SPATA16: variants seen among roughly 807,000 people sequenced by gnomAD.
SPATA16 encodes the protein spermatogenesis-associated protein 16.
A neutral mutation model predicts 63.3 loss-of-function variants in SPATA16; 36 were observed. The ratio of observed to expected loss-of-function variants is 0.57; its 90% CI spans 0.44 to 0.75. The LOEUF (loss-of-function observed/expected upper bound fraction) is 0.75. SPATA16 is among the 30% of genes least tolerant of loss of function. The pLI is 0.00. For missense variants in SPATA16, 646 were observed against 679.3 expected (o/e 0.95, Z 0.54); for synonymous variants, 203 against 216.7 (o/e 0.94, Z 0.56).
intron 8 of SPATA16, among the ~76,000 whole-genome samples, chr3:172,923,391 A>T (rs901438002): frequency 6.6e-6 from 1 of 152,242 alleles, no homozygotes; most frequent in African/African-American, 2.4e-5. Context: ...TTGAGCAGAT[A>T]AACTGCTGAA....
At chr3:173,043,415 C>T (rs1448279771) in intron 3 of SPATA16, among the ~76,000 whole-genome samples, 1 of 151,800 alleles carries the variant, frequency 6.6e-6, no homozygotes, top group Non-Finnish European at 1.5e-5. Flanking sequence ...TAGTAAAATT[C>T]CATTTGTTCT....
intron 3 of SPATA16, among the ~76,000 whole-genome samples, chr3:173,027,210 T>C (rs1310638327): frequency 1.3e-5 from 2 of 151,990 alleles, no homozygotes; most frequent in African/African-American, 2.4e-5. Context: ...TCAATTCTTA[T>C]TGTTCATTGC....
At chr3:173,086,504 T>G (rs922917208) in intron 2 of SPATA16, among the ~76,000 whole-genome samples, 1 of 152,180 alleles carries the variant, frequency 6.6e-6, no homozygotes, top group African/African-American at 2.4e-5. Flanking sequence ...GATTCATAAA[T>G]TTCTTGAAGG....
intron 4 of SPATA16, among the ~76,000 whole-genome samples, chr3:172,978,456 A>G (rs182060966): frequency 6.6e-6 from 1 of 152,314 alleles, no homozygotes; most frequent in South Asian, 2.1e-4. Flanking sequence ...AAGAAAGTTT[A>G]CTCGACATGG....
chr3:173,106,602 C>T (rs1737627755), intron 2 of SPATA16, among the ~76,000 whole-genome samples: 1 of 152,132 alleles, frequency 6.6e-6, no homozygotes, highest in Non-Finnish European at 1.5e-5. Context: ...TCACCTATTG[C>T]CTTCAACACC....
chr3:172,931,318 G>A (rs1732867239), intron 6 of SPATA16, among the ~76,000 whole-genome samples: 1 of 152,158 alleles, frequency 6.6e-6, no homozygotes, highest in Non-Finnish European at 1.5e-5. Flanking sequence ...ATAGCTCACT[G>A]TAACCTTGAA....
At chr3:173,050,173 A>G (rs1182628685) in intron 2 of SPATA16, among the ~76,000 whole-genome samples, 1 of 152,120 alleles carries the variant, frequency 6.6e-6, no homozygotes. Context: ...TGCTATTGTC[A>G]TTTTTTAAAT....
chr3:173,133,813 T>C (rs1738451500), intron 1 of SPATA16, among the ~76,000 whole-genome samples: 1 of 152,148 alleles, frequency 6.6e-6, no homozygotes, highest in Non-Finnish European at 1.5e-5. Context: ...GAAAAAACTT[T>C]CAAGAACATA....
intron 1 of SPATA16, among the ~76,000 whole-genome samples, chr3:173,129,576 A>G (rs756601077): frequency 6.6e-6 from 1 of 151,454 alleles, no homozygotes; most frequent in Non-Finnish European, 1.5e-5. Context: ...TCACTGTATT[A>G]TATATATACT....
intron 5 of SPATA16, among the ~76,000 whole-genome samples, chr3:172,962,368 A>T (rs1427326569): frequency 1.3e-5 from 2 of 152,068 alleles, no homozygotes; most frequent in Non-Finnish European, 2.9e-5. Context: ...AATCAGAAAC[A>T]TCCATGTTGG....
At chr3:173,107,188 C>T (rs1050521808) in intron 2 of SPATA16, among the ~76,000 whole-genome samples, 21 of 152,132 alleles carry the variant, frequency 1.4e-4, no homozygotes, top group African/African-American at 4.8e-4. Context: ...GTCACTCTTA[C>T]AGTGACATTG....
At chr3:173,068,978 C>A (rs1736598089) in intron 2 of SPATA16, among the ~76,000 whole-genome samples, 1 of 151,160 alleles carries the variant, frequency 6.6e-6, no homozygotes, top group Admixed American at 6.6e-5. Context: ...GGCGTGGTGG[C>A]AGGCGCCTGT....
chr3:172,966,982 T>C (rs1450280348), intron 5 of SPATA16, among the ~76,000 whole-genome samples: 1 of 152,166 alleles, frequency 6.6e-6, no homozygotes, highest in Admixed American at 6.5e-5. Context: ...GTTTTGCTCA[T>C]AACAAGTTTT....
At chr3:173,034,575 T>G (rs1735674077) in intron 3 of SPATA16, among the ~76,000 whole-genome samples, 1 of 152,180 alleles carries the variant, frequency 6.6e-6, no homozygotes, top group Non-Finnish European at 1.5e-5. Context: ...TTGATTGTTA[T>G]TCCTACGCTT....
At chr3:173,056,671 T>TCCAG (rs1736232348) in intron 2 of SPATA16, among the ~76,000 whole-genome samples, 1 of 122,594 alleles carries the variant, frequency 8.2e-6, no homozygotes, top group African/African-American at 3.3e-5. Context: ...GCCATTGTAC[T>TCCAG]CCAGCCTGGA....
At chr3:173,122,180 G>GT (rs140467388) in intron 1 of SPATA16, among the ~76,000 whole-genome samples, 16,757 of 151,396 alleles carry the variant, frequency 0.11, 1,147 homozygotes, top group East Asian at 0.32. Context: ...AATCGCCAAG[G>GT]TTTTTTTTTA....
At chr3:172,927,677 A>C (rs1732770320) in intron 6 of SPATA16, among the ~76,000 whole-genome samples, 1 of 152,212 alleles carries the variant, frequency 6.6e-6, no homozygotes, top group Non-Finnish European at 1.5e-5. Flanking sequence ...TAGGGACCAG[A>C]ATTGAAAATC....
chr3:172,975,940 A>G (rs1444349213), intron 5 of SPATA16, among the ~76,000 whole-genome samples: 2 of 152,068 alleles, frequency 1.3e-5, no homozygotes, highest in Non-Finnish European at 2.9e-5. Context: ...AAAACAGGAA[A>G]AAAACAGGAA....
chr3:172,950,730 G>T (rs1030293454), intron 6 of SPATA16, among the ~76,000 whole-genome samples: 1 of 151,996 alleles, frequency 6.6e-6, no homozygotes, highest in African/African-American at 2.4e-5. Flanking sequence ...ATTTTTAAAG[G>T]TCTAATTTAA....
Sources: allele counts gnomAD v4.1 joint callset (sites outside exome capture counted in the v4.1 genomes callset), GRCh38; gene constraint gnomAD v4.1.1; transcripts MANE v1.5; gene names NCBI Gene and HGNC (gene_info 2026-07-23, HGNC 2026-07-21).